The following PRKN variants were observed in gnomAD, a reference collection of about 807,000 sequenced individuals.
The protein encoded by PRKN is E3 ubiquitin-protein ligase parkin.
Under a neutral mutation model 59.5 loss-of-function variants are expected in PRKN, and 56 were observed. The ratio of observed to expected loss-of-function variants is 0.94; its 90% CI spans 0.76 to 1.18. PRKN has a LOEUF of 1.18. Ranked by LOEUF, PRKN falls within the 50% of genes most tolerant of loss-of-function variation. The pLI, the probability that PRKN is intolerant of heterozygous loss-of-function variation, is 0.00. For synonymous variants in PRKN, 250 were observed against 222.1 expected, an observed-to-expected ratio of 1.13 and a Z score of -1.12; for missense variants, 657 against 596.4, an observed-to-expected ratio of 1.10 and a Z score of -1.06.
intron 7 of PRKN, among the ~76,000 whole-genome samples, chr6:161,703,258 C>T (rs751157915): frequency 2.6e-5 from 4 of 152,080 alleles, no homozygotes; most frequent in African/African-American, 9.7e-5. Context: ...GAGCCATGAT[C>T]ACTCCAGCCA....
At chr6:161,929,945 G>A (rs1779111115) in intron 6 of PRKN, among the ~76,000 whole-genome samples, 1 of 152,340 alleles carries the variant, frequency 6.6e-6, no homozygotes. Context: ...AATAAACAAG[G>A]AAGGTGTTCC....
rs1440252517 is a variant in PRKN at position 161,417,740 on chromosome 6, G to A, written c.1084-30863C>T. On this transcript the variant is annotated intron_variant, in intron 9 of 11. Transcript: ENST00000366898. This position sits in a 1 kb window ranked among gnomAD's most constrained non-coding sequence, Gnocchi z 5.4. ...TAGGCTGCCAATTAGTCATCCCTCC[G>A]GCCCCCCTGGGTTTTAACCTCTAGA... 1.3e-5 allele frequency among the ~76,000 whole-genome samples: 2 copies of A among 152,078 alleles called. No individual in the cohort carries two copies. Among genetic ancestry groups the A allele is most frequent in the South Asian group, 2.1e-4 (1 of 4,824 alleles).
At chr6:162,482,353 C>A (rs1444626803) in intron 1 of PRKN, among the ~76,000 whole-genome samples, 2 of 152,146 alleles carry the variant, frequency 1.3e-5, no homozygotes, top group Admixed American at 1.3e-4. Context: ...CACATAAATA[C>A]ATCTTTTACA....
At position 161,359,443 on chromosome 6, in the gene PRKN, C is replaced by A. The variant is rs1253230306; in HGVS notation, c.1285+645G>T. On this transcript the variant is annotated intron_variant, in intron 11 of 11. Coordinates refer to ENST00000366898, the MANE Select transcript of PRKN (RefSeq NM_004562.3). The surrounding 1 kb of genome is among the most constrained non-coding windows in gnomAD (Gnocchi z 5.4). ...ATTAAGGAGAAGCTGGGAGAGGCTG[C>A]GCCTGGCTTCGTGTCATTGCTCATC... Among the ~76,000 whole-genome samples the A allele has an allele frequency of 6.6e-6, 1 of 152,186 alleles. No homozygotes were observed. The highest frequency in any genetic ancestry group is 1.5e-5 in the Non-Finnish European group (1 of 68,030).
rs1583217136 is a variant in PRKN at position 161,550,479 on chromosome 6, G to A, written c.934-1476C>T. On this transcript the variant is annotated intron_variant, in intron 8 of 11. Transcript: ENST00000366898. This position sits in a 1 kb window ranked among gnomAD's most constrained non-coding sequence, Gnocchi z 4.0. ...TGTCAACATCTATGACGTAAGCTAG[G>A]AGCTTATGTCAACATCTATGCAAAA... 6.6e-6 allele frequency among the ~76,000 whole-genome samples: 1 copy of A among 151,216 alleles called. No individual in the cohort carries two copies. Among genetic ancestry groups the A allele is most frequent in the Non-Finnish European group, 1.5e-5 (1 of 67,962 alleles).
chr6:162,062,620 G>A (rs9458444), intron 4 of PRKN, among the ~76,000 whole-genome samples: 43,833 of 151,922 alleles, frequency 0.29, 7,287 homozygotes, highest in Admixed American at 0.4. Flanking sequence ...GGAGAAGGTG[G>A]CCATCTGCAA....
At chr6:162,211,562 T>G (rs1785197794) in intron 3 of PRKN, among the ~76,000 whole-genome samples, 1 of 152,178 alleles carries the variant, frequency 6.6e-6, no homozygotes, top group Non-Finnish European at 1.5e-5. Context: ...AAAAACCTGT[T>G]ACGTAAATGA....
intron 2 of PRKN, among the ~76,000 whole-genome samples, chr6:162,358,289 C>A (rs1480451163): frequency 6.6e-6 from 1 of 152,090 alleles, no homozygotes; most frequent in East Asian, 1.9e-4. Flanking sequence ...TTTTCGAAAT[C>A]TTTATTTTTC....
intron 3 of PRKN, among the ~76,000 whole-genome samples, chr6:162,213,272 G>A (rs186775975): frequency 1.8e-4 from 28 of 152,248 alleles, no homozygotes; most frequent in African/African-American, 6.0e-4. Context: ...GAAATCTCAT[G>A]GACTCAACAC....
At chr6:162,722,474 T>C (rs555743695) in intron 1 of PRKN, among the ~76,000 whole-genome samples, 10 of 152,218 alleles carry the variant, frequency 6.6e-5, no homozygotes, top group Admixed American at 5.9e-4. Context: ...AGAGAAACCA[T>C]TCAGATTACT....
intron 2 of PRKN, among the ~76,000 whole-genome samples, chr6:162,296,893 C>T (rs1024799913): frequency 6.6e-6 from 1 of 152,120 alleles, no homozygotes; most frequent in Admixed American, 6.6e-5. Flanking sequence ...CTTTCCAAAT[C>T]TATCATTCTA....
intron 1 of PRKN, among the ~76,000 whole-genome samples, chr6:162,594,389 G>C (rs759713121): frequency 6.6e-6 from 1 of 152,064 alleles, no homozygotes; most frequent in East Asian, 1.9e-4. Flanking sequence ...TTCATGATAT[G>C]ATATCCACTA....
chr6:161,838,279 T>G (rs552826359), intron 6 of PRKN, among the ~76,000 whole-genome samples: 5 of 152,336 alleles, frequency 3.3e-5, no homozygotes, highest in Non-Finnish European at 7.3e-5. Flanking sequence ...TATTTTAGAT[T>G]CTTCTAAGAC....
intron 9 of PRKN, among the ~76,000 whole-genome samples, chr6:161,509,897 AAAAAAAG>A (rs1220341946): frequency 4.1e-5 from 6 of 147,766 alleles, no homozygotes; most frequent in Middle Eastern, 3.7e-3. Context: ...AAAAAAAAAA[AAAAAAAG>A]TTAAGCCACA....
In PRKN at chr6:161,372,105, T is replaced by C. The variant is rs905368916; in HGVS notation, c.1168-11900A>G. ...TAATATCTATCAACCTATTTTGAGA[T>C]TAATGGGGGAAATGGAACAACATAA... On this transcript the variant is annotated intron_variant, in intron 10 of 11. Transcript: ENST00000366898. The surrounding 1 kb of genome is among the most constrained non-coding windows in gnomAD (Gnocchi z 4.2). Among the ~76,000 whole-genome samples the C allele has an allele frequency of 7.2e-5, 11 of 152,194 alleles. No individual in the cohort carries two copies. Among genetic ancestry groups the C allele is most frequent in the African/African-American group, 2.7e-4 (11 of 41,456 alleles).
At chr6:162,647,333 ACAAT>A (rs527884653) in intron 1 of PRKN, among the ~76,000 whole-genome samples, 263 of 152,280 alleles carry the variant, frequency 1.7e-3, no homozygotes, top group African/African-American at 6.1e-3. Context: ...ATGAGAACAA[ACAAT>A]CTGTTTTTGG....
chr6:161,895,179 A>G (rs1186719401), intron 6 of PRKN, among the ~76,000 whole-genome samples: 1 of 152,228 alleles, frequency 6.6e-6, no homozygotes, highest in Non-Finnish European at 1.5e-5. Context: ...CACAGCAGGA[A>G]AACTCAAAAT....
chr6:161,876,814 T>C (rs1397083174), intron 6 of PRKN, among the ~76,000 whole-genome samples: 1 of 152,172 alleles, frequency 6.6e-6, no homozygotes, highest in African/African-American at 2.4e-5. Flanking sequence ...ATAGACTAAT[T>C]GATCTCCTCA....
chr6:162,087,596 T>TC (rs1779301240), intron 4 of PRKN, among the ~76,000 whole-genome samples: 2 of 143,750 alleles, frequency 1.4e-5, no homozygotes, highest in Middle Eastern at 7.0e-3. Context: ...TTTCTTTTTT[T>TC]TTTTTTTTTT....
Sources: allele counts gnomAD v4.1 joint callset (sites outside exome capture counted in the v4.1 genomes callset), GRCh38; gene constraint gnomAD v4.1.1; non-coding constraint Gnocchi (gnomAD v3.1); transcripts MANE v1.5; gene names NCBI Gene and HGNC (gene_info 2026-07-23, HGNC 2026-07-21).